CDH12: variants seen among roughly 807,000 people sequenced by gnomAD.
The protein encoded by CDH12 is cadherin-12.
A neutral mutation model predicts 74.1 loss-of-function variants in CDH12; 41 were observed. That is an observed-to-expected ratio of 0.55 (90% confidence interval 0.43 to 0.72). The LOEUF (loss-of-function observed/expected upper bound fraction) is 0.72. Among genes scored for constraint, CDH12 ranks in the 30% least tolerant of loss-of-function variants. The pLI is 0.00. For synonymous variants in CDH12, 399 were observed against 355.0 expected (o/e 1.12, Z -1.39); for missense variants, 945 against 977.2 (o/e 0.97, Z 0.44).
At chr5:22,676,165 A>G (rs1240682229) in intron 1 of CDH12, among the ~76,000 whole-genome samples, 1 of 151,008 alleles carries the variant, frequency 6.6e-6, no homozygotes, top group African/African-American at 2.4e-5. Flanking sequence ...TCATTGTTGT[A>G]ACAGTAAGCA....
intron 4 of CDH12, among the ~76,000 whole-genome samples, chr5:22,191,764 C>G (rs1750318187): frequency 6.6e-6 from 1 of 151,454 alleles, no homozygotes. Flanking sequence ...CGGGGTTTCA[C>G]CGTTTTAGCC....
intron 8 of CDH12, among the ~76,000 whole-genome samples, chr5:21,822,305 C>T (rs892572293): frequency 1.0e-4 from 15 of 147,522 alleles, no homozygotes; most frequent in Non-Finnish European, 2.0e-4. Flanking sequence ...TGGCAATAGC[C>T]AATAGGAAAC....
At chr5:22,159,141 A>T (rs1748186297) in intron 4 of CDH12, among the ~76,000 whole-genome samples, 1 of 152,048 alleles carries the variant, frequency 6.6e-6, no homozygotes, top group Non-Finnish European at 1.5e-5. Flanking sequence ...CAAAATAAAG[A>T]CCTAGTAAAA....
chr5:22,591,113 T>G (rs1736293742), intron 1 of CDH12, among the ~76,000 whole-genome samples: 2 of 152,162 alleles, frequency 1.3e-5, no homozygotes, highest in Admixed American at 1.3e-4. Flanking sequence ...GTTTATAATC[T>G]CCAAACTCCC....
intron 4 of CDH12, among the ~76,000 whole-genome samples, chr5:22,150,428 A>G (rs915326071): frequency 1.3e-5 from 2 of 152,038 alleles, no homozygotes; most frequent in Non-Finnish European, 2.9e-5. Flanking sequence ...TCAGTACTCA[A>G]TAACTAGCAA....
intron 3 of CDH12, among the ~76,000 whole-genome samples, chr5:22,322,069 T>C (rs1310752111): frequency 6.6e-6 from 1 of 152,228 alleles, no homozygotes; most frequent in African/African-American, 2.4e-5. Flanking sequence ...TGAGTGCGAC[T>C]TTCCTGACTG....
rs149966830 is a variant in CDH12 at position 21,836,836 on chromosome 5, C to A, written c.814+5325G>T. Among the ~76,000 whole-genome samples the A allele has an allele frequency of 6.6e-4, 101 of 152,012 alleles. 1 individual carries two copies. Among genetic ancestry groups the A allele is most frequent in the African/African-American group, 2.2e-3 (92 of 41,496 alleles). Reference sequence around the variant, plus strand: ...AGTAGATGGAAGCTATTTAATTCTACGGAAAACATTTTGTAAAGAAACTAT... The same window carrying A: ...AGTAGATGGAAGCTATTTAATTCTAAGGAAAACATTTTGTAAAGAAACTAT... On this transcript the variant is annotated intron_variant, in intron 8 of 14. Transcript: ENST00000382254.
chr5:22,281,068 T>A (rs543015432), intron 3 of CDH12, among the ~76,000 whole-genome samples: 1 of 152,216 alleles, frequency 6.6e-6, no homozygotes, highest in South Asian at 2.1e-4. Context: ...TCTGGTTCAA[T>A]ATACACAAAT....
chr5:21,871,336 ACATAG>A (rs1471092026), intron 6 of CDH12, among the ~76,000 whole-genome samples: 1 of 152,156 alleles, frequency 6.6e-6, no homozygotes, highest in Non-Finnish European at 1.5e-5. Flanking sequence ...AGGTGAAAAA[ACATAG>A]CATCAATTTT....
chr5:22,749,208 C>G (rs1172591955), intron 1 of CDH12, among the ~76,000 whole-genome samples: 2 of 152,224 alleles, frequency 1.3e-5, no homozygotes, highest in African/African-American at 4.8e-5. Flanking sequence ...AGCATGAGCA[C>G]AGCACAGAGG....
chr5:21,860,144 G>T (rs1750966475), intron 6 of CDH12, among the ~76,000 whole-genome samples: 1 of 152,022 alleles, frequency 6.6e-6, no homozygotes, highest in Admixed American at 6.6e-5. Flanking sequence ...TACTGTAATT[G>T]TCATGAATAC....
intron 1 of CDH12, among the ~76,000 whole-genome samples, chr5:22,664,852 T>A (rs1554057346): frequency 6.6e-6 from 1 of 152,214 alleles, no homozygotes; most frequent in Non-Finnish European, 1.5e-5. Context: ...CAACAATTTA[T>A]TATATTTCAT....
chr5:22,680,665 C>A (rs575897491), intron 1 of CDH12, among the ~76,000 whole-genome samples: 6 of 151,992 alleles, frequency 3.9e-5, no homozygotes, highest in Non-Finnish European at 7.4e-5. Context: ...ATATGGATGA[C>A]TATGTTGATT....
chr5:22,432,962 C>G (rs1744234955), intron 2 of CDH12, among the ~76,000 whole-genome samples: 1 of 152,056 alleles, frequency 6.6e-6, no homozygotes, highest in Non-Finnish European at 1.5e-5. Context: ...ATATGCAAAA[C>G]TTGGGGCACA....
intron 1 of CDH12, among the ~76,000 whole-genome samples, chr5:22,761,798 T>C (rs553233057): frequency 3.9e-5 from 6 of 152,268 alleles, no homozygotes; most frequent in South Asian, 2.1e-4. Context: ...AAATGTATAA[T>C]AAATCACAAA....
intron 2 of CDH12, among the ~76,000 whole-genome samples, chr5:22,464,130 A>G (rs1745632310): frequency 6.6e-6 from 1 of 152,156 alleles, no homozygotes; most frequent in Non-Finnish European, 1.5e-5. Context: ...TTTTTCAAAG[A>G]GGAATTCCCC....
chr5:22,845,523 T>A (rs1416472793), intron 1 of CDH12, among the ~76,000 whole-genome samples: 1 of 152,180 alleles, frequency 6.6e-6, no homozygotes, highest in Non-Finnish European at 1.5e-5. Flanking sequence ...TGTGCGACTA[T>A]TATAGGGCTT....
rs984066520 is a variant in CDH12 at position 22,580,107 on chromosome 5, C to A, written c.-522-74743G>T. 3.9e-5 allele frequency: 9 copies of A among 233,204 alleles called. No individual in the cohort carries two copies. In the Admixed American group the frequency reaches 4.4e-4, roughly 11 times the overall value. 14.4% of individuals were successfully genotyped at this position (233,204 alleles called of 1,614,324 possible). ...CTTCTCTGACAAGTAGACTTAGAGTCCCTGCCCCAAATAGGACCTCATACC... is the reference window on the plus strand; with the variant it reads ...CTTCTCTGACAAGTAGACTTAGAGTACCTGCCCCAAATAGGACCTCATACC... On this transcript the variant is annotated intron_variant, in intron 1 of 14. Coordinates refer to ENST00000382254, the MANE Select transcript of CDH12 (RefSeq NM_004061.5).
intron 3 of CDH12, among the ~76,000 whole-genome samples, chr5:22,242,121 A>G (rs959811742): frequency 2.0e-5 from 3 of 152,166 alleles, no homozygotes; most frequent in Non-Finnish European, 4.4e-5. Context: ...ACTAACTCAG[A>G]AGTCATACCT....
Sources: allele counts gnomAD v4.1 joint callset (sites outside exome capture counted in the v4.1 genomes callset), GRCh38; gene constraint gnomAD v4.1.1; transcripts MANE v1.5; gene names NCBI Gene and HGNC (gene_info 2026-07-23, HGNC 2026-07-21).